Variants in DYNC1I1 observed in about 807,000 individuals in gnomAD.
DYNC1I1 encodes dynein cytoplasmic 1 intermediate chain 1.
A neutral mutation model predicts 86.6 loss-of-function variants in DYNC1I1; 43 were observed. The ratio of observed to expected loss-of-function variants is 0.50; its 90% CI spans 0.39 to 0.64. The LOEUF is 0.64. Ranked by LOEUF, DYNC1I1 falls within the 30% of genes least tolerant of loss-of-function variation. DYNC1I1 has a pLI of 0.00. For missense variants in DYNC1I1, 604 were observed against 788.8 expected, an observed-to-expected ratio of 0.77 and a Z score of 2.81; for synonymous variants, 262 against 283.7, an observed-to-expected ratio of 0.92 and a Z score of 0.77.
chr7:95,966,788 C>T (rs995599374), intron 6 of DYNC1I1, among the ~76,000 whole-genome samples: 5 of 152,124 alleles, frequency 3.3e-5, no homozygotes, highest in African/African-American at 1.2e-4. Context: ...TACATCTTAC[C>T]ACACAATATG....
chr7:95,876,368 T>C (rs1224337510), intron 6 of DYNC1I1, among the ~76,000 whole-genome samples: 3 of 152,222 alleles, frequency 2.0e-5, no homozygotes, highest in African/African-American at 4.8e-5. Flanking sequence ...TTGGTAGTTA[T>C]TGATATTTTA....
chr7:95,948,403 C>T lies in DYNC1I1; in HGVS notation c.491-29109C>T, dbSNP rs141176389. 1.1e-4 allele frequency among the ~76,000 whole-genome samples: 16 copies of T among 152,192 alleles called. 1 individual carries two copies. The East Asian group carries it at 3.1e-3, about 29-fold the overall frequency. The stretch of plus-strand genomic sequence containing the variant: ...GGTTGTCCACATTTGTCAGTTTCCT[C>T]GAGTAGACCCATGCTTGTATCTATC... On this transcript the variant is annotated intron_variant, in intron 6 of 16. Coordinates refer to ENST00000447467, the MANE Select transcript of DYNC1I1 (RefSeq NM_001135556.2).
intron 6 of DYNC1I1, among the ~76,000 whole-genome samples, chr7:95,955,845 T>C (rs1207528041): frequency 6.6e-6 from 1 of 152,236 alleles, no homozygotes; most frequent in Non-Finnish European, 1.5e-5. Flanking sequence ...AGGATGTTAA[T>C]GCCAGGTGCT....
At chr7:95,833,589 T>C (rs1003502484) in intron 5 of DYNC1I1, among the ~76,000 whole-genome samples, 1 of 143,698 alleles carries the variant, frequency 7.0e-6, no homozygotes, top group Non-Finnish European at 1.5e-5. Context: ...ATATTGATTC[T>C]TCCTACCCAT....
intron 10 of DYNC1I1, among the ~76,000 whole-genome samples, chr7:96,020,222 G>A (rs1214485108): frequency 1.3e-5 from 2 of 151,972 alleles, no homozygotes; most frequent in African/African-American, 4.8e-5. Context: ...TTTTCACACT[G>A]TTGATAAAAA....
chr7:95,827,547 G>A (rs1795227863), intron 4 of DYNC1I1, among the ~76,000 whole-genome samples: 1 of 152,160 alleles, frequency 6.6e-6, no homozygotes, highest in South Asian at 2.1e-4. Context: ...ATACTCATGA[G>A]TCTTGAAATC....
At chr7:95,836,584 C>T (rs1237159890) in intron 5 of DYNC1I1, among the ~76,000 whole-genome samples, 1 of 151,154 alleles carries the variant, frequency 6.6e-6, no homozygotes, top group Admixed American at 6.6e-5. Flanking sequence ...GTTCCATTCT[C>T]CCCGTCACCT....
chr7:95,888,259 A>C (rs74782761), intron 6 of DYNC1I1, among the ~76,000 whole-genome samples: 5,944 of 152,186 alleles, frequency 0.039, 263 homozygotes, highest in East Asian at 0.11. Flanking sequence ...CAACATGGCA[A>C]ACCCCATCTC....
intron 13 of DYNC1I1, among the ~76,000 whole-genome samples, chr7:96,038,164 A>G (rs561952562): frequency 6.6e-6 from 1 of 152,284 alleles, no homozygotes; most frequent in East Asian, 1.9e-4. Context: ...TGGAACACGC[A>G]CTGCCACACT....
chr7:95,883,254 T>C (rs1410953853), intron 6 of DYNC1I1, among the ~76,000 whole-genome samples: 1 of 152,184 alleles, frequency 6.6e-6, no homozygotes, highest in Non-Finnish European at 1.5e-5. Context: ...GATGTGTCCC[T>C]GTGTGAGAAA....
chr7:96,089,823 G>A (rs1203129642), intron 16 of DYNC1I1, among the ~76,000 whole-genome samples: 1 of 152,112 alleles, frequency 6.6e-6, no homozygotes, highest in Admixed American at 6.5e-5. Flanking sequence ...AAGGTGTTTA[G>A]CAATAAGCCT....
chr7:95,802,793 A>C (rs186046541), intron 1 of DYNC1I1: 2 of 152,358 alleles, frequency 1.3e-5, no homozygotes, highest in Admixed American at 1.3e-4. Context: ...CTGGGGTTAC[A>C]GGTATGAACC....
At chr7:95,939,721 A>G (rs967794516) in intron 6 of DYNC1I1, among the ~76,000 whole-genome samples, 3 of 151,932 alleles carry the variant, frequency 2.0e-5, no homozygotes, top group Admixed American at 1.3e-4. Flanking sequence ...TCCTGAATAC[A>G]GCACACTGAT....
intron 10 of DYNC1I1, among the ~76,000 whole-genome samples, chr7:96,014,339 G>A (rs1415315906): frequency 1.3e-5 from 2 of 152,140 alleles, no homozygotes; most frequent in Non-Finnish European, 2.9e-5. Flanking sequence ...TCCCTTTTCG[G>A]TTTTTGCCCC....
chr7:96,019,967 C>T (rs1482225723), intron 10 of DYNC1I1, among the ~76,000 whole-genome samples: 1 of 151,654 alleles, frequency 6.6e-6, no homozygotes, highest in Non-Finnish European at 1.5e-5. Context: ...TCCAACAGCC[C>T]CAGGGAAAAT....
intron 5 of DYNC1I1, among the ~76,000 whole-genome samples, chr7:95,846,373 A>G (rs941530304): frequency 6.6e-6 from 1 of 152,184 alleles, no homozygotes; most frequent in African/African-American, 2.4e-5. Context: ...GGTTGTGCCT[A>G]TTGATTGAGC....
chr7:95,798,834 C>A (rs1248306356), intron 1 of DYNC1I1, among the ~76,000 whole-genome samples: 1 of 152,060 alleles, frequency 6.6e-6, no homozygotes, highest in East Asian at 1.9e-4. Context: ...CTAAATAGGA[C>A]CAAACTATAC....
chr7:95,866,111 C>T (rs796083276), intron 5 of DYNC1I1, among the ~76,000 whole-genome samples: 6 of 152,270 alleles, frequency 3.9e-5, no homozygotes, highest in African/African-American at 1.4e-4. Context: ...TCTTGCTCTT[C>T]CTCCTTTGCT....
chr7:96,072,620 C>G (rs1456611932), intron 14 of DYNC1I1, among the ~76,000 whole-genome samples: 1 of 152,024 alleles, frequency 6.6e-6, no homozygotes, highest in Admixed American at 6.6e-5. Context: ...GTCAAATTTG[C>G]CCCCATCATC....
Sources: gnomAD v4.1 joint callset for allele counts (sites outside exome capture counted in the v4.1 genomes callset) on GRCh38, gnomAD v4.1.1 for gene constraint, MANE v1.5 for transcripts, NCBI Gene and HGNC (gene_info 2026-07-23, HGNC 2026-07-21) for gene names.